The following APCDD1L variants were observed in gnomAD, a reference collection of about 807,000 sequenced individuals.
APCDD1L encodes protein APCDD1-like.
APCDD1L carries 21 observed loss-of-function variants against 24.2 expected under a neutral mutation model. The ratio of observed to expected loss-of-function variants is 0.87; its 90% CI spans 0.61 to 1.25. The LOEUF (loss-of-function observed/expected upper bound fraction) is 1.25. Ranked by LOEUF, APCDD1L falls within the 50% of genes most tolerant of loss-of-function variation. The pLI is 0.00. For synonymous variants in APCDD1L, 321 were observed against 323.6 expected, an observed-to-expected ratio of 0.99 and a Z score of 0.09; for missense variants, 704 against 711.7, an observed-to-expected ratio of 0.99 and a Z score of 0.12.
At position 58,459,379 on chromosome 20, in the gene APCDD1L, G is replaced by A. The variant is rs1989552947; in HGVS notation, c.*1411C>T. 1 of 151,770 alleles carries A rather than the reference G, an allele frequency of 6.6e-6. No individual in the cohort carries two copies. Among genetic ancestry groups the A allele is most frequent in the Non-Finnish European group, 1.5e-5 (1 of 67,940 alleles). 9.4% of individuals were successfully genotyped at this position (151,770 alleles called of 1,614,324 possible). A position where few individuals can be genotyped will look rare whatever the true frequency, so the allele number is the denominator to read the frequency against. On this transcript the variant is annotated 3_prime_UTR_variant, in exon 4 of 4. Transcript: ENST00000371149. Reference sequence around the variant, plus strand: ...GGCTTTTTTTTTTTTTAAGAGGAAGGATGGGTAATAAGTGGAAGCAATTTC... The same window carrying A: ...GGCTTTTTTTTTTTTTAAGAGGAAGAATGGGTAATAAGTGGAAGCAATTTC...
chr20:58,511,504 G>A (rs775446797), intron 1 of APCDD1L, among the ~76,000 whole-genome samples: 11 of 152,172 alleles, frequency 7.2e-5, no homozygotes, highest in Non-Finnish European at 1.3e-4. Context: ...CCATCCAGAT[G>A]GTTTTGAAAT....
In APCDD1L at chr20:58,461,484, G is replaced by A. The variant is rs187109742; in HGVS notation, c.812C>T (p.Pro271Leu). The change falls in exon 4 of 4, where the codon CCG (proline) becomes CTG (leucine). Residue 271 changes from proline (P) to leucine (L), a missense_variant. Coordinates refer to ENST00000371149, the MANE Select transcript of APCDD1L (RefSeq NM_153360.3). This position sits in a 1 kb window ranked among gnomAD's most constrained non-coding sequence, Gnocchi z 6.0. ...RSDVHHPPVL[P>L]PPLALPLHLG... ...GTGCAGGGGCAGGGCCAGAGGGGGC[G>A]GCAGCACGGGCGGGTGGTGCACATC... 40 of 1,469,682 alleles carry A rather than the reference G, an allele frequency of 2.7e-5. No individual in the cohort carries two copies. The East Asian group carries it at 7.5e-4, about 27-fold the overall frequency. The allele number at this position is 1,469,682 out of a possible 1,614,324, so 91.0% of individuals were successfully genotyped here.
At chr20:58,511,803 T>C (rs1990632571) in intron 1 of APCDD1L, among the ~76,000 whole-genome samples, 4 of 152,188 alleles carry the variant, frequency 2.6e-5, no homozygotes, top group Admixed American at 1.3e-4. Flanking sequence ...TAATTTATTA[T>C]GGAATAGCTT....
chr20:58,465,089 G>A (rs558103075), intron 3 of APCDD1L, among the ~76,000 whole-genome samples: 12 of 152,110 alleles, frequency 7.9e-5, no homozygotes, highest in Admixed American at 5.2e-4. Context: ...CACAGCCCCC[G>A]GGGATCTGTC....
rs1989573338 is a variant in APCDD1L at position 58,460,472 on chromosome 20, C to T, written c.*318G>A. ...GGTGTTCCGTGTGGCCCCCTGACTG[C>T]ACCTGTTGGCGAGCTGCCAAGGATG... is the stretch of plus-strand genomic sequence containing the variant. On this transcript the variant is annotated 3_prime_UTR_variant, in exon 4 of 4. Coordinates refer to ENST00000371149, the MANE Select transcript of APCDD1L (RefSeq NM_153360.3). This position sits in a 1 kb window ranked among gnomAD's most constrained non-coding sequence, Gnocchi z 4.2. 2 of 232,030 alleles carry T rather than the reference C, an allele frequency of 8.6e-6. No homozygotes were observed. The highest frequency in any genetic ancestry group is 3.0e-4 in the South Asian group (2 of 6,758). 14.4% of individuals were successfully genotyped at this position (232,030 alleles called of 1,614,324 possible). A position where few individuals can be genotyped will look rare whatever the true frequency, so the allele number is the denominator to read the frequency against.
chr20:58,500,362 G>A (rs897907200), intron 1 of APCDD1L, among the ~76,000 whole-genome samples: 4 of 152,072 alleles, frequency 2.6e-5, no homozygotes, highest in East Asian at 1.9e-4. Flanking sequence ...TGAGTCTTCT[G>A]GCATTTGCTA....
At chr20:58,469,702 G>A (rs895504713) in intron 2 of APCDD1L, among the ~76,000 whole-genome samples, 2 of 152,174 alleles carry the variant, frequency 1.3e-5, no homozygotes, top group East Asian at 3.9e-4. Context: ...CATTCGAAGT[G>A]GCCTCGAAGG....
intron 1 of APCDD1L, among the ~76,000 whole-genome samples, chr20:58,495,244 A>C (rs1013828505): frequency 2.0e-5 from 3 of 152,154 alleles, no homozygotes; most frequent in Non-Finnish European, 4.4e-5. Context: ...GCCCAGTGCA[A>C]ATTGAAAATA....
At chr20:58,513,338 C>G (rs1057334815) in intron 1 of APCDD1L, among the ~76,000 whole-genome samples, 2 of 152,180 alleles carry the variant, frequency 1.3e-5, no homozygotes, top group East Asian at 3.9e-4. Flanking sequence ...TGCTGATGAT[C>G]AACTAACTCT....
Position 58,515,029 on chromosome 20 carries a change from A to C in APCDD1L, c.-322T>G. 1 of 271,518 alleles carries C rather than the reference A, an allele frequency of 3.7e-6. No individual in the cohort carries two copies. The highest frequency in any genetic ancestry group is 6.8e-6 in the Non-Finnish European group (1 of 146,106). 16.8% of individuals were successfully genotyped at this position (271,518 alleles called of 1,614,324 possible). On this transcript the variant is annotated 5_prime_UTR_variant, in exon 1 of 4. Transcript: ENST00000371149. ...ATTCAGACCCCCAGCCCTCCCCCAG[A>C]TGTCCGTCCCCTGGCCGTCGCCTTC...
At chr20:58,495,719 C>T (rs529141518) in intron 1 of APCDD1L, among the ~76,000 whole-genome samples, 7 of 152,204 alleles carry the variant, frequency 4.6e-5, no homozygotes, top group East Asian at 1.9e-4. Context: ...AGAGCCTCAC[C>T]GGGGGTCGCA....
At chr20:58,485,182 C>A (rs1990099370) in intron 1 of APCDD1L, among the ~76,000 whole-genome samples, 1 of 151,002 alleles carries the variant, frequency 6.6e-6, no homozygotes, top group South Asian at 2.1e-4. Flanking sequence ...ATCAAAACAA[C>A]AATACATTGG....
intron 1 of APCDD1L, among the ~76,000 whole-genome samples, chr20:58,511,137 C>T (rs2123198888): frequency 6.6e-6 from 1 of 152,354 alleles, no homozygotes; most frequent in African/African-American, 2.4e-5. Context: ...GATTGGGCCA[C>T]ATGCCCAGGG....
At position 58,461,248 on chromosome 20, in the gene APCDD1L, C is replaced by T. The variant is rs1345245430; in HGVS notation, c.1048G>A (p.Glu350Lys). The T allele has an allele frequency of 3.7e-6, 6 of 1,613,478 alleles. No individual in the cohort carries two copies. Among genetic ancestry groups the T allele is most frequent in the Admixed American group, 1.7e-5 (1 of 60,000 alleles). The change falls in exon 4 of 4, where the codon GAG becomes AAG. Residue 350 changes from glutamate to lysine, a missense_variant. Transcript: ENST00000371149. The surrounding 1 kb of genome is among the most constrained non-coding windows in gnomAD (Gnocchi z 6.0). ...TPSTRVRGGTELVFEVTRAHV... is the reference protein window; with the variant it reads ...TPSTRVRGGTKLVFEVTRAHV... ...GCCCGTGTGACCTCAAACACCAGCTCGGTGCCGCCGCGGACCCTGGTGGAT... is the reference window on the plus strand; with the variant it reads ...GCCCGTGTGACCTCAAACACCAGCTTGGTGCCGCCGCGGACCCTGGTGGAT...
At chr20:58,487,026 T>C (rs952457151) in intron 1 of APCDD1L, among the ~76,000 whole-genome samples, 1 of 152,092 alleles carries the variant, frequency 6.6e-6, no homozygotes. Flanking sequence ...CACGCCTGGC[T>C]AATTTTTGTA....
chr20:58,490,893 G>A (rs961374123), intron 1 of APCDD1L, among the ~76,000 whole-genome samples: 6 of 152,256 alleles, frequency 3.9e-5, no homozygotes, highest in Non-Finnish European at 8.8e-5. Flanking sequence ...TGTGAAAGTC[G>A]TAAGTAAAAT....
intron 1 of APCDD1L, among the ~76,000 whole-genome samples, chr20:58,491,505 AT>A (rs1990225759): frequency 1.3e-5 from 2 of 152,348 alleles, no homozygotes; most frequent in South Asian, 4.1e-4. Flanking sequence ...GTAGTAAAAA[AT>A]ATAAGATACC....
chr20:58,483,670 G>T (rs1365187853), intron 1 of APCDD1L, among the ~76,000 whole-genome samples: 1 of 152,224 alleles, frequency 6.6e-6, no homozygotes, highest in Non-Finnish European at 1.5e-5. Flanking sequence ...GGTGACAGGT[G>T]GTTGGAGGCC....
rs1990277871 is a variant in APCDD1L at position 58,494,269 on chromosome 20, T to TCTTTTCTTTTCTTTTCTTA, written c.49+20371_49+20389dup. On this transcript the variant is annotated intron_variant, in intron 1 of 3. Coordinates refer to ENST00000371149, the MANE Select transcript of APCDD1L (RefSeq NM_153360.3). This position sits in a 1 kb window ranked among gnomAD's most constrained non-coding sequence, Gnocchi z 4.8. ...TTAAGGGTCAACTGCATTTCTTTTTTCTTTTCTTTTCTTTTCTTACTTTTC... is the reference window on the plus strand; with the variant it reads ...TTAAGGGTCAACTGCATTTCTTTTTTCTTTTCTTTTCTTTTCTTACTTTTCTTTTCTTTTCTTACTTTTC... 7.5e-6 allele frequency among the ~76,000 whole-genome samples: 1 copy of TCTTTTCTTTTCTTTTCTTA among 133,032 alleles called. No individual in the cohort carries two copies. The highest frequency in any genetic ancestry group is 7.0e-5 in the Admixed American group (1 of 14,332). 87.3% of individuals were successfully genotyped at this position (133,032 alleles called of 152,430 possible). A position where few individuals can be genotyped will look rare whatever the true frequency, so the allele number is the denominator to read the frequency against.
Sources: gnomAD v4.1 joint callset for allele counts (sites outside exome capture counted in the v4.1 genomes callset) on GRCh38, gnomAD v4.1.1 for gene constraint, Gnocchi (gnomAD v3.1) non-coding constraint, MANE v1.5 for transcripts, NCBI Gene and HGNC (gene_info 2026-07-23, HGNC 2026-07-21) for gene names.